MAPKAP1: variants seen among roughly 807,000 people sequenced by gnomAD.
The protein encoded by MAPKAP1 is MAPK associated protein 1.
Under a neutral mutation model 65.7 loss-of-function variants are expected in MAPKAP1, and 20 were observed. The observed-to-expected ratio is 0.30, with a 90% CI of 0.21 to 0.44. The LOEUF (loss-of-function observed/expected upper bound fraction) is 0.44. Among genes scored for constraint, MAPKAP1 ranks in the 20% least tolerant of loss-of-function variants. MAPKAP1 has a pLI of 1.00. For missense variants in MAPKAP1, 423 were observed against 648.0 expected, an observed-to-expected ratio of 0.65 and a Z score of 3.77; for synonymous variants, 222 against 244.3, an observed-to-expected ratio of 0.91 and a Z score of 0.85.
intron 5 of MAPKAP1, among the ~76,000 whole-genome samples, chr9:125,578,454 A>G (rs77158297): frequency 6.7e-6 from 1 of 150,190 alleles, no homozygotes; most frequent in African/African-American, 2.4e-5. Context: ...CGAAAAAAAA[A>G]GCATAAAAAA....
At chr9:125,525,086 G>A (rs1440077711) in intron 7 of MAPKAP1, among the ~76,000 whole-genome samples, 1 of 152,170 alleles carries the variant, frequency 6.6e-6, no homozygotes, top group Non-Finnish European at 1.5e-5. Flanking sequence ...TTAGCAGCTA[G>A]AGTCTCTTTT....
chr9:125,585,427 C>A (rs542906598), intron 5 of MAPKAP1, 128 bp downstream of exon 5: 8 of 965,366 alleles, frequency 8.3e-6, no homozygotes, highest in Non-Finnish European at 4.7e-6. Flanking sequence ...CTGGTGAGCA[C>A]CCAGAGCTGG....
chr9:125,560,481 G>A (rs1426171481), intron 5 of MAPKAP1, among the ~76,000 whole-genome samples: 1 of 152,176 alleles, frequency 6.6e-6, no homozygotes, highest in Admixed American at 6.5e-5. Context: ...CTACTCAGGA[G>A]GCTGAGGTGA....
intron 4 of MAPKAP1, among the ~76,000 whole-genome samples, chr9:125,619,524 AATATTCTT>A (rs1313449710): frequency 6.6e-6 from 1 of 152,118 alleles, no homozygotes; most frequent in Non-Finnish European, 1.5e-5. Context: ...GCAAATTAAC[AATATTCTT>A]ATATGTGTGA....
intron 5 of MAPKAP1, among the ~76,000 whole-genome samples, chr9:125,584,917 A>G (rs1831734985): frequency 6.6e-6 from 1 of 152,236 alleles, no homozygotes. Context: ...CAAGCACTAC[A>G]TTTTAAATAT....
At chr9:125,673,761 A>T (rs1170889458) in intron 1 of MAPKAP1, among the ~76,000 whole-genome samples, 1 of 150,966 alleles carries the variant, frequency 6.6e-6, no homozygotes, top group Non-Finnish European at 1.5e-5. Flanking sequence ...TCTCTACAAA[A>T]ATATATATAT....
At chr9:125,692,197 C>T (rs574952549) in intron 1 of MAPKAP1, among the ~76,000 whole-genome samples, 1 of 152,312 alleles carries the variant, frequency 6.6e-6, no homozygotes, top group African/African-American at 2.4e-5. Context: ...CATATGTTCA[C>T]ACGAAAATTT....
At chr9:125,654,090 G>C (rs1333696199) in intron 4 of MAPKAP1, among the ~76,000 whole-genome samples, 1 of 152,156 alleles carries the variant, frequency 6.6e-6, no homozygotes, top group Non-Finnish European at 1.5e-5. Context: ...AACGGGTGGA[G>C]AAACAGGGCA....
chr9:125,570,015 C>T (rs187494477), intron 5 of MAPKAP1, among the ~76,000 whole-genome samples: 213 of 152,284 alleles, frequency 1.4e-3, no homozygotes, highest in Non-Finnish European at 2.6e-3. Flanking sequence ...TGGCTAAATG[C>T]TTTAAGGTCA....
chr9:125,702,259 G>A (rs1030748741), intron 1 of MAPKAP1, among the ~76,000 whole-genome samples: 6 of 152,188 alleles, frequency 3.9e-5, no homozygotes, highest in East Asian at 1.9e-4. Context: ...ATTAGGCCGG[G>A]CGCAGTGGCT....
chr9:125,477,582 A>G (rs1039164732), intron 9 of MAPKAP1, among the ~76,000 whole-genome samples: 1 of 152,206 alleles, frequency 6.6e-6, no homozygotes, highest in Non-Finnish European at 1.5e-5. Flanking sequence ...AGAGGTGTTC[A>G]CTGTGGGGAT....
rs1425594777 is a variant in MAPKAP1, at chr9:125,676,711, T to C, written c.-69-4068A>G. ...CAGTGGTGACGGTTGCACCATAATA[T>C]GAATGTATGTAATGCCAATGAACTA... On this transcript the variant is annotated intron_variant, in intron 1 of 11. Coordinates refer to ENST00000265960, the MANE Select transcript of MAPKAP1 (RefSeq NM_001006617.3). 8.5e-5 allele frequency among the ~76,000 whole-genome samples: 13 copies of C among 152,242 alleles called. No individual in the cohort carries two copies. The East Asian group carries it at 2.5e-3, about 29-fold the overall frequency.
intron 5 of MAPKAP1, among the ~76,000 whole-genome samples, chr9:125,584,020 G>A (rs60975484): frequency 0.019 from 2,917 of 151,238 alleles, 96 homozygotes; most frequent in African/African-American, 0.067. Context: ...CCGAGATCGC[G>A]CCACTGCACT....
At chr9:125,697,901 C>T (rs1342348973) in intron 1 of MAPKAP1, among the ~76,000 whole-genome samples, 2 of 151,702 alleles carry the variant, frequency 1.3e-5, no homozygotes, top group African/African-American at 4.9e-5. Context: ...CATATCATAA[C>T]ACTATACCTA....
At chr9:125,493,787 T>A (rs1854829099) in intron 8 of MAPKAP1, among the ~76,000 whole-genome samples, 1 of 152,242 alleles carries the variant, frequency 6.6e-6, no homozygotes, top group Non-Finnish European at 1.5e-5. Flanking sequence ...TTTTTCCCAA[T>A]GCCTCTTTAA....
At chr9:125,693,722 TATATACAC>T (rs1159753476) in intron 1 of MAPKAP1, among the ~76,000 whole-genome samples, 4 of 52,946 alleles carry the variant, frequency 7.6e-5, no homozygotes, top group South Asian at 4.8e-4. Flanking sequence ...TATATACACG[TATATACAC>T]ATATATACAC....
rs2131573641 is a variant in MAPKAP1, at chr9:125,582,733, C to A, written c.671+2822G>T. ...CATAGGTATGACAGTCTCACTCCAG[C>A]TTCTAGTTTCTGTCATTTCCTCTGG... On this transcript the variant is annotated intron_variant, in intron 5 of 11. Coordinates refer to ENST00000265960, the MANE Select transcript of MAPKAP1 (RefSeq NM_001006617.3). 1.3e-5 allele frequency among the ~76,000 whole-genome samples: 2 copies of A among 152,350 alleles called. 1 individual carries two copies. Among genetic ancestry groups the A allele is most frequent in the South Asian group, 4.1e-4 (2 of 4,828 alleles).
intron 4 of MAPKAP1, among the ~76,000 whole-genome samples, chr9:125,643,142 T>G (rs981335570): frequency 1.3e-5 from 2 of 148,964 alleles, no homozygotes; most frequent in African/African-American, 5.0e-5. Context: ...TCAGGTGATC[T>G]GCCAGCCTTG....
chr9:125,695,916 C>T (rs969657634), intron 1 of MAPKAP1, among the ~76,000 whole-genome samples: 12 of 151,892 alleles, frequency 7.9e-5, no homozygotes, highest in Admixed American at 1.3e-4. Flanking sequence ...TTAGTAGAGA[C>T]GGGGTTTCTA....
Sources: allele counts gnomAD v4.1 joint callset (sites outside exome capture counted in the v4.1 genomes callset), GRCh38; gene constraint gnomAD v4.1.1; transcripts MANE v1.5; gene names NCBI Gene and HGNC (gene_info 2026-07-23, HGNC 2026-07-21).